Variants in ARHGAP24 observed in about 807,000 individuals in gnomAD.
The protein encoded by ARHGAP24 is Rho GTPase activating protein 24.
A neutral mutation model predicts 76.4 loss-of-function variants in ARHGAP24; 50 were observed. The observed-to-expected ratio is 0.65, with a 90% CI of 0.52 to 0.83. ARHGAP24 has a LOEUF of 0.83. Among genes scored for constraint, ARHGAP24 ranks in the 40% least tolerant of loss-of-function variants. The probability of loss-of-function intolerance (pLI) is 0.00; values close to 1 mark genes in which losing one functional copy is unlikely to be tolerated. For missense variants in ARHGAP24, 930 were observed against 914.2 expected (o/e 1.02, Z -0.22); for synonymous variants, 345 against 323.3 (o/e 1.07, Z -0.72).
At chr4:85,749,124 A>G (rs939010098) in intron 3 of ARHGAP24, among the ~76,000 whole-genome samples, 4 of 152,188 alleles carry the variant, frequency 2.6e-5, no homozygotes, top group East Asian at 1.9e-4. Context: ...CTAATCAGCT[A>G]TGGCATCAGG....
At chr4:85,974,207 A>G (rs1739192247) in intron 6 of ARHGAP24, among the ~76,000 whole-genome samples, 1 of 152,048 alleles carries the variant, frequency 6.6e-6, no homozygotes, top group Non-Finnish European at 1.5e-5. Flanking sequence ...GTTAAATAAC[A>G]TTGTCTGTGG....
At chr4:85,610,077 A>G (rs1384955388) in intron 2 of ARHGAP24, among the ~76,000 whole-genome samples, 1 of 152,210 alleles carries the variant, frequency 6.6e-6, no homozygotes, top group Non-Finnish European at 1.5e-5. Context: ...CTGAGGGTGT[A>G]GACTAAGTCT....
At chr4:85,613,797 A>C (rs1256626022) in intron 2 of ARHGAP24, among the ~76,000 whole-genome samples, 2 of 152,168 alleles carry the variant, frequency 1.3e-5, no homozygotes, top group African/African-American at 2.4e-5. Context: ...CATTAAATGG[A>C]TCTTCATTTT....
intron 3 of ARHGAP24, among the ~76,000 whole-genome samples, chr4:85,831,838 G>C (rs1248191313): frequency 6.6e-6 from 1 of 151,676 alleles, no homozygotes; most frequent in Admixed American, 6.6e-5. Context: ...GGAAGTCAAG[G>C]CTGCAGTGAG....
At chr4:85,837,712 C>T (rs192205934) in intron 3 of ARHGAP24, among the ~76,000 whole-genome samples, 1 of 152,252 alleles carries the variant, frequency 6.6e-6, no homozygotes, top group Non-Finnish European at 1.5e-5. Context: ...AGCCCACTCC[C>T]CTAAACTCCA....
At position 85,567,525 on chromosome 4, in the gene ARHGAP24, G is replaced by A. The variant is rs552641432; in HGVS notation, c.-20-2997G>A. ...TCATTTACTAAGATCAGGTTTGGGG[G>A]AAGATCATGTTTCAAAGGGAGATCG... On this transcript the variant is annotated intron_variant, in intron 1 of 9. Transcript: ENST00000395184. Among the ~76,000 whole-genome samples the A allele has an allele frequency of 4.6e-5, 7 of 152,284 alleles. No individual in the cohort carries two copies. In the South Asian group the frequency reaches 1.5e-3, roughly 32 times the overall value.
rs561998357 is a variant in ARHGAP24 at position 85,880,102 on chromosome 4, T to C, written c.269-43546T>C. On this transcript the variant is annotated intron_variant, in intron 3 of 9. Coordinates refer to ENST00000395184, the MANE Select transcript of ARHGAP24 (RefSeq NM_001025616.3). ...TTTTCCTATACATGCATACCTATGA[T>C]AGAGTTTCATTTCTAAATTAGGCAC... 1.3e-4 allele frequency among the ~76,000 whole-genome samples: 20 copies of C among 152,322 alleles called. 2 individuals are homozygous for C. The South Asian group carries it at 3.1e-3, about 24-fold the overall frequency.
chr4:85,821,594 A>G (rs1174017036), intron 3 of ARHGAP24, among the ~76,000 whole-genome samples: 2 of 152,200 alleles, frequency 1.3e-5, no homozygotes, highest in Non-Finnish European at 1.5e-5. Flanking sequence ...GCCCATGCCC[A>G]TGCTGGTCTT....
At chr4:85,669,644 A>AATATAT (rs58332235) in intron 2 of ARHGAP24, among the ~76,000 whole-genome samples, 12 of 93,230 alleles carry the variant, frequency 1.3e-4, no homozygotes, top group Non-Finnish European at 2.0e-4. Flanking sequence ...TGTACTTTCA[A>AATATAT]ATATATATAT....
chr4:85,757,575 C>G (rs1294668963), intron 3 of ARHGAP24, among the ~76,000 whole-genome samples: 2 of 152,110 alleles, frequency 1.3e-5, no homozygotes, highest in Non-Finnish European at 2.9e-5. Flanking sequence ...CATAGTATTC[C>G]ATGGTGTATA....
At chr4:85,945,882 A>G (rs764921783) in intron 5 of ARHGAP24, among the ~76,000 whole-genome samples, 3 of 152,096 alleles carry the variant, frequency 2.0e-5, no homozygotes, top group Non-Finnish European at 2.9e-5. Flanking sequence ...ATAATTTACT[A>G]TTCTGTATTG....
chr4:85,745,376 A>G (rs1257630574), intron 3 of ARHGAP24, among the ~76,000 whole-genome samples: 1 of 145,278 alleles, frequency 6.9e-6, no homozygotes, highest in East Asian at 2.0e-4. Flanking sequence ...TATATTGTAT[A>G]CATACATGTG....
chr4:85,514,856 G>C (rs1159683865), intron 1 of ARHGAP24, among the ~76,000 whole-genome samples: 1 of 132,200 alleles, frequency 7.6e-6, no homozygotes, highest in Admixed American at 8.3e-5. Flanking sequence ...GATATTGTCT[G>C]TCTTGGCACA....
chr4:85,833,603 A>G (rs1351718016), intron 3 of ARHGAP24, among the ~76,000 whole-genome samples: 1 of 152,220 alleles, frequency 6.6e-6, no homozygotes, highest in Non-Finnish European at 1.5e-5. Context: ...GAACTTCAAA[A>G]GCCTGAAGGC....
intron 2 of ARHGAP24, among the ~76,000 whole-genome samples, chr4:85,674,026 A>G (rs1722893935): frequency 6.6e-6 from 1 of 152,138 alleles, no homozygotes; most frequent in African/African-American, 2.4e-5. Context: ...GATGTCTTAC[A>G]CTAGCCTGGG....
At chr4:85,638,568 CT>C (rs1721406977) in intron 2 of ARHGAP24, among the ~76,000 whole-genome samples, 2 of 152,152 alleles carry the variant, frequency 1.3e-5, no homozygotes, top group African/African-American at 4.8e-5. Flanking sequence ...ATATTCTTGC[CT>C]TTTTTCCTTT....
intron 3 of ARHGAP24, among the ~76,000 whole-genome samples, chr4:85,760,952 G>A (rs1277022235): frequency 2.0e-5 from 3 of 152,102 alleles, no homozygotes; most frequent in Admixed American, 1.3e-4. Context: ...GACACTGCTG[G>A]TTTTCAGTCA....
intron 3 of ARHGAP24, among the ~76,000 whole-genome samples, chr4:85,828,929 A>T (rs541666875): frequency 2.9e-4 from 44 of 152,188 alleles, no homozygotes; most frequent in Non-Finnish European, 6.0e-4. Flanking sequence ...CTGTGTAAGT[A>T]GAAGAAGAAA....
chr4:85,576,417 G>A (rs1442007826), intron 2 of ARHGAP24, among the ~76,000 whole-genome samples: 3 of 150,082 alleles, frequency 2.0e-5, no homozygotes, highest in East Asian at 1.9e-4. Context: ...GCGACAGAGC[G>A]AGACTCCATC....
Sources: gnomAD v4.1 joint callset for allele counts (sites outside exome capture counted in the v4.1 genomes callset) on GRCh38, gnomAD v4.1.1 for gene constraint, MANE v1.5 for transcripts, NCBI Gene and HGNC (gene_info 2026-07-23, HGNC 2026-07-21) for gene names.